The following MIER3 variants were observed in gnomAD, a reference collection of about 807,000 sequenced individuals.
MIER3 encodes mesoderm induction early response protein 3.
MIER3 carries 9 observed loss-of-function variants against 63.2 expected under a neutral mutation model. The observed-to-expected ratio is 0.14, with a 90% confidence interval of 0.09 to 0.25. MIER3 has a LOEUF of 0.25. MIER3 is among the 10% of genes least tolerant of loss of function. The probability of loss-of-function intolerance (pLI) is 1.00; values close to 1 mark genes in which losing one functional copy is unlikely to be tolerated. For missense variants in MIER3, 512 were observed against 666.2 expected (o/e 0.77, Z 2.55); for synonymous variants, 205 against 224.9 (o/e 0.91, Z 0.79).
intron 2 of MIER3, 154 bp from the exon 3 acceptor site, chr5:56,947,225 C>A: frequency 1.4e-6 from 1 of 704,258 alleles, no homozygotes; most frequent in Non-Finnish European, 2.1e-6. Context: ...TAAATTAAGA[C>A]CCCATGATTC....
At chr5:56,926,660 G>A (rs985678559) in intron 10 of MIER3, among the ~76,000 whole-genome samples, 4 of 151,106 alleles carry the variant, frequency 2.6e-5, no homozygotes, top group Non-Finnish European at 4.4e-5. Flanking sequence ...AGACAGTTTG[G>A]CAGTTTCATG....
At chr5:56,949,356 A>C (rs1003368298) in intron 2 of MIER3, among the ~76,000 whole-genome samples, 8 of 152,312 alleles carry the variant, frequency 5.3e-5, no homozygotes, top group African/African-American at 1.9e-4. Flanking sequence ...ACAAACAAAA[A>C]ACAAAAAGAG....
intron 3 of MIER3, among the ~76,000 whole-genome samples, chr5:56,942,622 G>A (rs184659217): frequency 6.4e-4 from 97 of 152,152 alleles, no homozygotes; most frequent in Non-Finnish European, 1.1e-3. Flanking sequence ...AGAGTGAGAC[G>A]ATAATAGCCA....
intron 7 of MIER3, among the ~76,000 whole-genome samples, chr5:56,935,154 G>A (rs1357339147): frequency 1.3e-5 from 2 of 152,124 alleles, no homozygotes; most frequent in African/African-American, 2.4e-5. Flanking sequence ...GTACAGCACC[G>A]TGGGAGGCTC....
chr5:56,939,346 T>C (rs1266708879), intron 3 of MIER3, among the ~76,000 whole-genome samples: 1 of 152,218 alleles, frequency 6.6e-6, no homozygotes, highest in African/African-American at 2.4e-5. Context: ...TGAAAACATT[T>C]CCAATTAATC....
intron 1 of MIER3, among the ~76,000 whole-genome samples, chr5:56,951,645 G>A (rs993497824): frequency 2.0e-5 from 3 of 151,662 alleles, no homozygotes; most frequent in Admixed American, 1.3e-4. Context: ...CACAGCGCAC[G>A]ACTCCCGCAG....
rs974309805 is a variant in MIER3 at position 56,920,828 on chromosome 5, C to A, written c.*2300G>T. The A allele has an allele frequency of 6.6e-6, 1 of 152,406 alleles. No homozygotes were observed. Among genetic ancestry groups the A allele is most frequent in the African/African-American group, 2.4e-5 (1 of 41,434 alleles). The allele number at this position is 152,406 out of a possible 1,614,324, so 9.4% of individuals were successfully genotyped here. A position where few individuals can be genotyped will look rare whatever the true frequency, so the allele number is the denominator to read the frequency against. ...TTTACACTTATATACAAAAATCTTG[C>A]AAATTATTGCCTCATTTTAACAAGG... On this transcript the variant is annotated 3_prime_UTR_variant, in exon 13 of 13. Coordinates refer to ENST00000381199, the MANE Select transcript of MIER3 (RefSeq NM_001297599.2).
intron 2 of MIER3, among the ~76,000 whole-genome samples, chr5:56,948,246 T>C (rs1020520488): frequency 6.6e-6 from 1 of 152,228 alleles, no homozygotes. Context: ...GAACTCTAAT[T>C]AGTTCTAAAA....
intron 9 of MIER3, 128 bp from the exon 10 acceptor site, chr5:56,928,989 T>A (rs1167502950): frequency 6.4e-5 from 30 of 469,052 alleles, no homozygotes; most frequent in South Asian, 2.3e-4. Flanking sequence ...ACACTCTCTC[T>A]CTCACACACA....
At chr5:56,951,866 C>A (rs1468972911) in intron 1 of MIER3, among the ~76,000 whole-genome samples, 1 of 150,788 alleles carries the variant, frequency 6.6e-6, no homozygotes, top group East Asian at 2.0e-4. Flanking sequence ...CCGACCGGGG[C>A]CGGAGCCGCC....
intron 3 of MIER3, among the ~76,000 whole-genome samples, chr5:56,943,010 T>A (rs1247254001): frequency 6.6e-6 from 1 of 151,976 alleles, no homozygotes; most frequent in Admixed American, 6.6e-5. Flanking sequence ...GCCAGGGTGG[T>A]GGGATACACC....
At chr5:56,946,791 T>C (rs2112148417) in intron 3 of MIER3, 135 bp downstream of exon 3, 1 of 682,252 alleles carries the variant, frequency 1.5e-6, no homozygotes, top group East Asian at 3.1e-5. Flanking sequence ...AGCATACTTA[T>C]TAGGCTATCC....
intron 3 of MIER3, among the ~76,000 whole-genome samples, chr5:56,944,226 C>T (rs1440698463): frequency 6.6e-6 from 1 of 152,062 alleles, no homozygotes; most frequent in Non-Finnish European, 1.5e-5. Flanking sequence ...AATCCCAGCA[C>T]TTTGGGAGGC....
Position 56,923,937 on chromosome 5 carries a change from ATCT to A in MIER3, c.1027_1029del (p.Arg343del). ...TACGTAACTCCAGGGTGATGGTTAT[ATCT>A]TTTTTTCCCAAATCTTGTCTGTTGA... On this transcript the variant is annotated inframe_deletion, in exon 11 of 13. Transcript: ENST00000381199. 6.2e-7 allele frequency: 1 copy of A among 1,614,146 alleles called. No homozygotes were observed. Among genetic ancestry groups the A allele is most frequent in the Non-Finnish European group, 8.5e-7 (1 of 1,179,998 alleles).
At chr5:56,928,264 T>C (rs766417488) in intron 10 of MIER3, 2 of 152,322 alleles carry the variant, frequency 1.3e-5, no homozygotes, top group Admixed American at 6.5e-5. Flanking sequence ...GTTGGTATTA[T>C]AAGAAACTTC....
In MIER3 at chr5:56,920,976, G is replaced by A. The variant is rs936462997; in HGVS notation, c.*2152C>T. Reference sequence around the variant, plus strand: ...CTCTCATACCATTTTCTGGATTTTGGTCAAAAATCTTTATTTAAATAACTA... The same window carrying A: ...CTCTCATACCATTTTCTGGATTTTGATCAAAAATCTTTATTTAAATAACTA... On this transcript the variant is annotated 3_prime_UTR_variant, in exon 13 of 13. Coordinates refer to ENST00000381199, the MANE Select transcript of MIER3 (RefSeq NM_001297599.2). The A allele has an allele frequency of 1.3e-5, 2 of 152,440 alleles. No homozygotes were observed. The highest frequency in any genetic ancestry group is 4.8e-5 in the African/African-American group (2 of 41,406). The allele number at this position is 152,440 out of a possible 1,614,324, so 9.4% of individuals were successfully genotyped here. A position where few individuals can be genotyped will look rare whatever the true frequency, so the allele number is the denominator to read the frequency against.
At chr5:56,929,979 AAAG>A (rs1260521329) in intron 9 of MIER3, among the ~76,000 whole-genome samples, 2 of 152,196 alleles carry the variant, frequency 1.3e-5, no homozygotes, top group Admixed American at 1.3e-4. Flanking sequence ...ATTTTTTTTC[AAAG>A]AAGCAGCTTT....
At chr5:56,939,770 T>C (rs1750575983) in intron 3 of MIER3, among the ~76,000 whole-genome samples, 1 of 152,204 alleles carries the variant, frequency 6.6e-6, no homozygotes, top group African/African-American at 2.4e-5. Context: ...TAGGAATCCA[T>C]GTGAAAATAA....
intron 1 of MIER3, 119 bp downstream of exon 1, chr5:56,951,975 C>A: frequency 1.1e-6 from 1 of 877,270 alleles, no homozygotes; most frequent in Middle Eastern, 4.4e-4. Context: ...CGCGTCGCCA[C>A]GCCGCCCCTC....
Sources: allele counts gnomAD v4.1 joint callset (sites outside exome capture counted in the v4.1 genomes callset), GRCh38; gene constraint gnomAD v4.1.1; transcripts MANE v1.5; gene names NCBI Gene and HGNC (gene_info 2026-07-23, HGNC 2026-07-21).